Variants in EIF4G3 observed in about 807,000 individuals in gnomAD.
EIF4G3 encodes the protein eIF-4-gamma 3.
Under a neutral mutation model 186.4 loss-of-function variants are expected in EIF4G3, and 34 were observed. The ratio of observed to expected loss-of-function variants is 0.18; its 90% CI spans 0.14 to 0.24. The LOEUF (loss-of-function observed/expected upper bound fraction) is 0.24. EIF4G3 is among the 10% of genes least tolerant of loss of function. The pLI is 1.00. For missense variants in EIF4G3, 1,536 were observed against 1,948.5 expected (o/e 0.79, Z 3.99); for synonymous variants, 673 against 679.5 (o/e 0.99, Z 0.15).
At position 20,925,905 on chromosome 1, in the gene EIF4G3, C is replaced by T. The variant is rs1334109752; in HGVS notation, c.1663+15586G>A. 2.0e-5 allele frequency among the ~76,000 whole-genome samples: 3 copies of T among 152,276 alleles called. No individual in the cohort carries two copies. In the East Asian group the frequency reaches 5.8e-4, roughly 29 times the overall value. On this transcript the variant is annotated intron_variant, in intron 14 of 36. Coordinates refer to ENST00000602326, the MANE Select transcript of EIF4G3 (RefSeq NM_001391906.1). ...TTACATGCATGAATTCTGGAATTGGCAGAAACTTGGAGAGAGGTATTAACT... is the reference window on the plus strand; with the variant it reads ...TTACATGCATGAATTCTGGAATTGGTAGAAACTTGGAGAGAGGTATTAACT...
intron 3 of EIF4G3, among the ~76,000 whole-genome samples, chr1:21,072,487 G>T (rs2095472641): frequency 6.6e-6 from 1 of 152,086 alleles, no homozygotes; most frequent in Admixed American, 6.5e-5. Flanking sequence ...CACTGCAAGT[G>T]CTGCCTCCCA....
intron 2 of EIF4G3, among the ~76,000 whole-genome samples, chr1:21,144,569 AT>A (rs1309522499): frequency 6.6e-6 from 1 of 152,070 alleles, no homozygotes; most frequent in African/African-American, 2.4e-5. Flanking sequence ...TGCTTCAATC[AT>A]TTTTATGGAT....
chr1:20,923,466 A>C (rs2094628824), intron 14 of EIF4G3, among the ~76,000 whole-genome samples: 2 of 152,180 alleles, frequency 1.3e-5, no homozygotes, highest in Non-Finnish European at 2.9e-5. Context: ...AAAAGACTGC[A>C]ATTTAATTCA....
chr1:20,949,498 G>T (rs2096111608), intron 13 of EIF4G3, among the ~76,000 whole-genome samples: 1 of 152,180 alleles, frequency 6.6e-6, no homozygotes, highest in African/African-American at 2.4e-5. Context: ...AGACACACAA[G>T]GTCAGTGGCT....
chr1:21,008,329 T>C (rs543102562), intron 4 of EIF4G3, among the ~76,000 whole-genome samples: 46 of 133,688 alleles, frequency 3.4e-4, no homozygotes, highest in Non-Finnish European at 5.7e-4. Context: ...GTTTCACTTA[T>C]TTTAATCTTT....
chr1:21,034,046 G>C (rs2092974611), intron 4 of EIF4G3, among the ~76,000 whole-genome samples: 1 of 152,180 alleles, frequency 6.6e-6, no homozygotes. Flanking sequence ...CAAGAACTAT[G>C]ATTATGACAA....
intron 14 of EIF4G3, among the ~76,000 whole-genome samples, chr1:20,930,679 A>G (rs955048515): frequency 2.6e-5 from 4 of 152,176 alleles, no homozygotes; most frequent in Non-Finnish European, 4.4e-5. Context: ...GATTATAGGC[A>G]CATGCCACCA....
In EIF4G3 at chr1:20,857,162, C is replaced by CA. The variant is rs577290987; in HGVS notation, c.3339+240dup. Among the ~76,000 whole-genome samples, 17 of 47,360 alleles carry CA rather than the reference C, an allele frequency of 3.6e-4. 2 individuals are homozygous for CA. The highest frequency in any genetic ancestry group is 6.7e-4 in the African/African-American group (8 of 11,992). 31.1% of individuals were successfully genotyped at this position (47,360 alleles called of 152,430 possible). ...TGGGCGACAGAGTGAGACTCCATCT[C>CA]AAAAAAAAAAAAAAAAAGAAAATGT... is the stretch of plus-strand genomic sequence containing the variant. On this transcript the variant is annotated intron_variant, in intron 25 of 36. Transcript: ENST00000602326.
intron 2 of EIF4G3, among the ~76,000 whole-genome samples, chr1:21,159,933 C>T (rs2097731933): frequency 6.6e-6 from 1 of 151,992 alleles, no homozygotes; most frequent in South Asian, 2.1e-4. Flanking sequence ...TGGTGAAACC[C>T]CGTCTATACA....
chr1:20,854,832 GA>G, intron 26 of EIF4G3, 145 bp downstream of exon 26: 1 of 497,400 alleles, frequency 2.0e-6, no homozygotes, highest in Non-Finnish European at 3.6e-6. Context: ...GATCTATGTT[GA>G]AAGGAAAGGG....
intron 2 of EIF4G3, among the ~76,000 whole-genome samples, chr1:21,133,506 T>C (rs1573058389): frequency 1.3e-5 from 2 of 152,218 alleles, no homozygotes; most frequent in Non-Finnish European, 2.9e-5. Flanking sequence ...ATTACAGGCA[T>C]GAGCCACCGC....
chr1:20,930,475 T>G (rs980359682), intron 14 of EIF4G3, among the ~76,000 whole-genome samples: 1 of 152,224 alleles, frequency 6.6e-6, no homozygotes, highest in Admixed American at 6.5e-5. Context: ...GAAACCATTT[T>G]CTTTGCTTAC....
At chr1:20,855,452 G>A (rs150245398) in intron 25 of EIF4G3, among the ~76,000 whole-genome samples, 1 of 152,282 alleles carries the variant, frequency 6.6e-6, no homozygotes, top group African/African-American at 2.4e-5. Flanking sequence ...GTCTTTACAT[G>A]ACTGTCAGAA....
rs1354133508 is a variant in EIF4G3 at position 20,943,972 on chromosome 1, TTTTGTGTGTG to T, written c.824-1652_824-1643del. Among the ~76,000 whole-genome samples, 331 of 44,830 alleles carry T rather than the reference TTTTGTGTGTG, an allele frequency of 7.4e-3. 13 individuals are homozygous for T. The highest frequency in any genetic ancestry group is 0.022 in the African/African-American group (293 of 13,436). 29.4% of individuals were successfully genotyped at this position (44,830 alleles called of 152,430 possible). Reference sequence around the variant, plus strand: ...TTTCAGGAAAACTTGTCTTTATTTTTTTTGTGTGTGTGTGTGTGTGTGTGTGTGTGTGTGT... The same window carrying T: ...TTTCAGGAAAACTTGTCTTTATTTTTTGTGTGTGTGTGTGTGTGTGTGTGT... On this transcript the variant is annotated intron_variant, in intron 13 of 36. Coordinates refer to ENST00000602326, the MANE Select transcript of EIF4G3 (RefSeq NM_001391906.1).
Position 20,969,604 on chromosome 1 carries a change from G to GTTAA in EIF4G3, c.592-12_592-9dup. On this transcript the variant is annotated splice_polypyrimidine_tract_variant and intron_variant, in intron 11 of 36. Coordinates refer to ENST00000602326, the MANE Select transcript of EIF4G3 (RefSeq NM_001391906.1). Reference sequence around the variant, plus strand: ...TGGATCCCGAATTCTTATCTATAAGGTTAAATAAAATGACATATGTACAGA... The same window carrying GTTAA: ...TGGATCCCGAATTCTTATCTATAAGGTTAATTAAATAAAATGACATATGTACAGA... 2 of 1,612,314 alleles carry GTTAA rather than the reference G, an allele frequency of 1.2e-6. No individual in the cohort carries two copies. The highest frequency in any genetic ancestry group is 1.7e-6 in the Non-Finnish European group (2 of 1,179,110).
intron 2 of EIF4G3, among the ~76,000 whole-genome samples, chr1:21,105,458 C>A (rs1219482187): frequency 6.6e-6 from 1 of 150,472 alleles, no homozygotes; most frequent in Non-Finnish European, 1.5e-5. Flanking sequence ...AAAATCTGTA[C>A]ACCAAACCCC....
chr1:20,863,088 C>G lies in EIF4G3; in HGVS notation c.3007-756G>C, dbSNP rs139344276. Among the ~76,000 whole-genome samples the G allele has an allele frequency of 1.7e-3, 265 of 151,978 alleles. 2 individuals are homozygous for G. The highest frequency in any genetic ancestry group is 6.1e-3 in the African/African-American group (251 of 41,472). On this transcript the variant is annotated intron_variant, in intron 22 of 36. Transcript: ENST00000602326. ...ATAGGTGTGAGCCACTGTGCCCGGC[C>G]ATATGGTAGAATTTTTAGTTGTTCA...
intron 20 of EIF4G3, among the ~76,000 whole-genome samples, chr1:20,869,644 G>A (rs927792566): frequency 5.9e-5 from 9 of 151,506 alleles, no homozygotes; most frequent in African/African-American, 1.7e-4. Flanking sequence ...GCGTGGTGGC[G>A]GGCGCCTGTA....
At chr1:21,067,258 G>A (rs750912763) in intron 3 of EIF4G3, among the ~76,000 whole-genome samples, 1 of 149,130 alleles carries the variant, frequency 6.7e-6, no homozygotes, top group African/African-American at 2.5e-5. Context: ...TCAGCCTCCC[G>A]AACAGCTGGG....
Sources: gnomAD v4.1 joint callset for allele counts (sites outside exome capture counted in the v4.1 genomes callset) on GRCh38, gnomAD v4.1.1 for gene constraint, MANE v1.5 for transcripts, NCBI Gene and HGNC (gene_info 2026-07-23, HGNC 2026-07-21) for gene names.